The following SOX6 variants were observed in gnomAD, a reference collection of about 807,000 sequenced individuals.
SOX6 encodes the protein SRY-box transcription factor 6, also known as transcription factor SOX-6.
SOX6 carries 11 observed loss-of-function variants against 97.8 expected under a neutral mutation model. The ratio of observed to expected loss-of-function variants is 0.11; its 90% CI spans 0.07 to 0.19. The LOEUF is 0.19. SOX6 is among the 10% of genes least tolerant of loss of function. The pLI is 1.00. For missense variants in SOX6, 810 were observed against 1,039.5 expected, an observed-to-expected ratio of 0.78 and a Z score of 3.04; for synonymous variants, 360 against 371.4, an observed-to-expected ratio of 0.97 and a Z score of 0.35.
chr11:16,311,755 T>G (rs910128709), intron 3 of SOX6: 2 of 152,142 alleles, frequency 1.3e-5, no homozygotes, highest in Non-Finnish European at 2.9e-5. Flanking sequence ...CAGATCTAGC[T>G]CAAAGACATG....
At chr11:16,139,645 C>T (rs1479532110) in intron 6 of SOX6, among the ~76,000 whole-genome samples, 1 of 151,808 alleles carries the variant, frequency 6.6e-6, no homozygotes, top group African/African-American at 2.4e-5. Context: ...TGTATTTTCC[C>T]TTCCCCAGAC....
intron 13 of SOX6, among the ~76,000 whole-genome samples, chr11:16,010,588 GA>G (rs1450178985): frequency 6.6e-6 from 1 of 151,872 alleles, no homozygotes; most frequent in Non-Finnish European, 1.5e-5. Context: ...TACCCCTTTA[GA>G]AACCCCAGGT....
intron 3 of SOX6, among the ~76,000 whole-genome samples, chr11:16,680,461 C>T (rs1422220210): frequency 2.0e-5 from 3 of 152,216 alleles, no homozygotes; most frequent in African/African-American, 7.2e-5. Context: ...GAAGGAAGCA[C>T]TAAACATGGA....
chr11:16,017,885 A>G (rs117368103), intron 12 of SOX6, among the ~76,000 whole-genome samples: 130 of 152,176 alleles, frequency 8.5e-4, no homozygotes, highest in Admixed American at 3.4e-3. Flanking sequence ...AAAATACCTC[A>G]ATGCTAATTT....
chr11:16,610,103 G>A lies in SOX6; in HGVS notation n.609+1978C>T, dbSNP rs1413581899. On this transcript the variant is annotated intron_variant and non_coding_transcript_variant, in intron 4 of 5. Transcript: ENST00000524520. This position sits in a 1 kb window ranked among gnomAD's most constrained non-coding sequence, Gnocchi z 4.4. ...GACAGGAGTCAGATCTCCCCTGTGTGTGTAAGAGTGTCGTTGGGCCTGTTC... is the reference window on the plus strand; with the variant it reads ...GACAGGAGTCAGATCTCCCCTGTGTATGTAAGAGTGTCGTTGGGCCTGTTC... 2.0e-5 allele frequency among the ~76,000 whole-genome samples: 3 copies of A among 152,232 alleles called. No individual in the cohort carries two copies. Among genetic ancestry groups the A allele is most frequent in the African/African-American group, 7.2e-5 (3 of 41,458 alleles).
chr11:16,067,672 G>T (rs927136227), intron 9 of SOX6, among the ~76,000 whole-genome samples: 1 of 152,072 alleles, frequency 6.6e-6, no homozygotes, highest in African/African-American at 2.4e-5. Flanking sequence ...TAGTGTAACT[G>T]GATTGTTTGT....
chr11:16,069,972 C>T (rs549505978), intron 9 of SOX6, among the ~76,000 whole-genome samples: 55 of 152,010 alleles, frequency 3.6e-4, no homozygotes, highest in African/African-American at 1.3e-3. Flanking sequence ...CTTGCTAACA[C>T]GTGAAACCCC....
At chr11:16,031,063 C>T (rs943239779) in intron 12 of SOX6, among the ~76,000 whole-genome samples, 3 of 152,076 alleles carry the variant, frequency 2.0e-5, no homozygotes, top group Non-Finnish European at 2.9e-5. Flanking sequence ...TTATCTAATT[C>T]GTAAGGCACA....
intron 3 of SOX6, among the ~76,000 whole-genome samples, chr11:16,271,402 T>C (rs2134229879): frequency 6.6e-6 from 1 of 151,602 alleles, no homozygotes; most frequent in Non-Finnish European, 1.5e-5. Flanking sequence ...AAGTTTCCTC[T>C]ATTTTCAGTG....
At chr11:16,135,034 A>G (rs1465496533) in intron 6 of SOX6, among the ~76,000 whole-genome samples, 1 of 152,206 alleles carries the variant, frequency 6.6e-6, no homozygotes, top group Non-Finnish European at 1.5e-5. Context: ...TAGGGTCCAT[A>G]AGAATTATCT....
At chr11:16,732,399 A>G (rs1848357095) in intron 2 of SOX6, among the ~76,000 whole-genome samples, 1 of 152,204 alleles carries the variant, frequency 6.6e-6, no homozygotes, top group African/African-American at 2.4e-5. Context: ...ATATAGACCA[A>G]CAGAACAGAA....
Position 16,647,288 on chromosome 11 carries a change from C to T in SOX6, n.430-35028G>A, listed in dbSNP as rs372707922. Among the ~76,000 whole-genome samples, 31 of 152,220 alleles carry T rather than the reference C, an allele frequency of 2.0e-4. 1 individual carries two copies. In the South Asian group the frequency reaches 6.2e-3, roughly 31 times the overall value. ...CTGATATGATTTCTATGCCCCTCCC[C>T]CTTTCCCTCTCTGCTAATTTGAATG... On this transcript the variant is annotated intron_variant and non_coding_transcript_variant, in intron 3 of 5. Transcript: ENST00000524520.
At chr11:16,111,345 T>C (rs1029569650) in intron 7 of SOX6, among the ~76,000 whole-genome samples, 1 of 152,220 alleles carries the variant, frequency 6.6e-6, no homozygotes, top group Non-Finnish European at 1.5e-5. Context: ...TCAAAAACAA[T>C]TTTACCATTA....
intron 4 of SOX6, among the ~76,000 whole-genome samples, chr11:16,604,352 G>A (rs1176438485): frequency 2.6e-5 from 4 of 152,222 alleles, no homozygotes; most frequent in Non-Finnish European, 5.9e-5. Context: ...ACTGGGCGGG[G>A]CTGTGTCTGT....
chr11:16,287,330 G>A (rs947295156), intron 3 of SOX6, among the ~76,000 whole-genome samples: 44 of 107,526 alleles, frequency 4.1e-4, no homozygotes, highest in East Asian at 8.0e-4. Flanking sequence ...ACACACACAC[G>A]CTCCTCCTAT....
intron 4 of SOX6, among the ~76,000 whole-genome samples, chr11:16,598,121 A>G (rs1175234499): frequency 3.9e-5 from 6 of 152,070 alleles, no homozygotes; most frequent in Non-Finnish European, 5.9e-5. Context: ...TTTATTTTAT[A>G]CCAATCCCTC....
chr11:16,486,540 T>C (rs954814140), intron 4 of SOX6, among the ~76,000 whole-genome samples: 1 of 152,064 alleles, frequency 6.6e-6, no homozygotes, highest in African/African-American at 2.4e-5. Flanking sequence ...CTACCTATAT[T>C]AGAAATGCCT....
At chr11:15,986,084 C>A in intron 15 of SOX6, 120 bp downstream of exon 15, 1 of 962,056 alleles carries the variant, frequency 1.0e-6, no homozygotes, top group East Asian at 2.4e-5. Context: ...GGCCAAGCCC[C>A]TTCAGTATGC....
rs544191874 is a variant in SOX6 at position 16,144,904 on chromosome 11, T to C, written c.778-32981A>G. Among the ~76,000 whole-genome samples, 468 of 152,268 alleles carry C rather than the reference T, an allele frequency of 3.1e-3. 4 individuals are homozygous for C. The highest frequency in any genetic ancestry group is 0.02 in the Middle Eastern group (6 of 294). On this transcript the variant is annotated intron_variant, in intron 6 of 15. Transcript: ENST00000683767. ...GTCCAGGACCAGACGGATTCACAGCTGAATTCTACCAGAGGTACAAGGAGG... is the reference window on the plus strand; with the variant it reads ...GTCCAGGACCAGACGGATTCACAGCCGAATTCTACCAGAGGTACAAGGAGG...
Sources: gnomAD v4.1 joint callset for allele counts (sites outside exome capture counted in the v4.1 genomes callset) on GRCh38, gnomAD v4.1.1 for gene constraint, Gnocchi (gnomAD v3.1) non-coding constraint, MANE v1.5 for transcripts, NCBI Gene and HGNC (gene_info 2026-07-23, HGNC 2026-07-21) for gene names.